Variants in CDH10 observed in about 807,000 individuals in gnomAD.
CDH10 encodes the protein cadherin 10.
A neutral mutation model predicts 73.1 loss-of-function variants in CDH10; 30 were observed. That is an observed-to-expected ratio of 0.41 (90% CI 0.31 to 0.56). The LOEUF (loss-of-function observed/expected upper bound fraction) is 0.56, where lower values mean the gene tolerates loss of function less well. Among genes scored for constraint, CDH10 ranks in the 20% least tolerant of loss-of-function variants. The pLI is 0.27. For missense variants in CDH10, 815 were observed against 973.7 expected (o/e 0.84, Z 2.17); for synonymous variants, 345 against 348.2 (o/e 0.99, Z 0.10).
At chr5:24,625,552 T>C (rs1747463666) in intron 1 of CDH10, among the ~76,000 whole-genome samples, 1 of 95,630 alleles carries the variant, frequency 1.0e-5, no homozygotes, top group South Asian at 4.0e-4. Flanking sequence ...TATCTGTATA[T>C]ATATATATAT....
At chr5:24,619,286 C>T (rs4701454) in intron 1 of CDH10, among the ~76,000 whole-genome samples, 88,749 of 151,860 alleles carry the variant, frequency 0.58, 28,774 homozygotes, top group Admixed American at 0.73. Flanking sequence ...TTCCGCCTCC[C>T]GGGTTCACGC....
rs184701119 is a variant in CDH10 at position 24,638,710 on chromosome 5, A to G, written c.-124+5884T>C. On this transcript the variant is annotated intron_variant, in intron 1 of 11. Transcript: ENST00000264463. ...GTGACAAAATATGGTTCAAGACTAC[A>G]GAGCAGGACTAACCCCCAACTTATA... 4.9e-4 allele frequency among the ~76,000 whole-genome samples: 74 copies of G among 151,958 alleles called. No homozygotes were observed. The East Asian group carries it at 0.013, about 27-fold the overall frequency.
chr5:24,559,584 G>A (rs1744883714), intron 2 of CDH10, among the ~76,000 whole-genome samples: 1 of 151,938 alleles, frequency 6.6e-6, no homozygotes, highest in African/African-American at 2.4e-5. Context: ...TGAAAACATG[G>A]GAAAAAAGAG....
intron 1 of CDH10, among the ~76,000 whole-genome samples, chr5:24,628,211 C>T (rs1393440011): frequency 2.6e-5 from 4 of 152,296 alleles, no homozygotes; most frequent in Non-Finnish European, 4.4e-5. Flanking sequence ...TCAGTGTGAA[C>T]ATCAGTAGTT....
intron 5 of CDH10, among the ~76,000 whole-genome samples, chr5:24,522,364 T>A (rs1743367654): frequency 6.6e-6 from 1 of 152,130 alleles, no homozygotes; most frequent in South Asian, 2.1e-4. Flanking sequence ...GGTTTTAGAT[T>A]CAGCATAGTC....
chr5:24,532,176 G>T (rs1422417855), intron 5 of CDH10, among the ~76,000 whole-genome samples: 3 of 151,998 alleles, frequency 2.0e-5, no homozygotes, highest in African/African-American at 7.2e-5. Context: ...TGTTGATACA[G>T]CATACAGGGA....
chr5:24,639,648 C>G (rs1441489246), intron 1 of CDH10, among the ~76,000 whole-genome samples: 1 of 151,704 alleles, frequency 6.6e-6, no homozygotes, highest in Non-Finnish European at 1.5e-5. Flanking sequence ...AACATTTGCT[C>G]ATTATATACC....
At chr5:24,593,192 T>G in intron 2 of CDH10, 68 bp downstream of exon 2, 1 of 879,898 alleles carries the variant, frequency 1.1e-6, no homozygotes, top group South Asian at 1.6e-5. Context: ...TTTGATGACC[T>G]TCAAATTTTC....
chr5:24,599,002 C>A (rs562449268), intron 1 of CDH10, among the ~76,000 whole-genome samples: 1 of 152,172 alleles, frequency 6.6e-6, no homozygotes, highest in African/African-American at 2.4e-5. Flanking sequence ...GCCATTATCT[C>A]TAAGATCCCT....
At chr5:24,595,662 C>A (rs980991510) in intron 1 of CDH10, among the ~76,000 whole-genome samples, 1 of 151,884 alleles carries the variant, frequency 6.6e-6, no homozygotes, top group Non-Finnish European at 1.5e-5. Context: ...TCCCAAGAGG[C>A]AGGGGAGAGT....
chr5:24,636,149 C>A (rs1561208451), intron 1 of CDH10, among the ~76,000 whole-genome samples: 1 of 151,872 alleles, frequency 6.6e-6, no homozygotes, highest in Non-Finnish European at 1.5e-5. Flanking sequence ...GTGTATTAGG[C>A]ATTGTTGTTA....
At chr5:24,607,515 T>A (rs1746799622) in intron 1 of CDH10, among the ~76,000 whole-genome samples, 1 of 152,086 alleles carries the variant, frequency 6.6e-6, no homozygotes, top group African/African-American at 2.4e-5. Context: ...AAATTATAAA[T>A]AAGGAAAAAT....
chr5:24,535,313 C>T, intron 4 of CDH10, 34 bp from the exon 5 acceptor site: 1 of 1,556,994 alleles, frequency 6.4e-7, no homozygotes, highest in Non-Finnish European at 8.7e-7. Context: ...CCATTATCTT[C>T]ACTGAAATCT....
chr5:24,599,322 G>A (rs908506651), intron 1 of CDH10, among the ~76,000 whole-genome samples: 1 of 152,094 alleles, frequency 6.6e-6, no homozygotes, highest in African/African-American at 2.4e-5. Context: ...AACAATGAGT[G>A]AAGAGATAGG....
intron 7 of CDH10, among the ~76,000 whole-genome samples, chr5:24,506,069 C>T (rs796346836): frequency 4.7e-5 from 7 of 147,738 alleles, no homozygotes; most frequent in Non-Finnish European, 1.0e-4. Flanking sequence ...GCCAAGATTG[C>T]GTGCCACTGC....
chr5:24,643,111 C>A (rs1010568220), intron 1 of CDH10, among the ~76,000 whole-genome samples: 1 of 152,122 alleles, frequency 6.6e-6, no homozygotes, highest in Non-Finnish European at 1.5e-5. Flanking sequence ...CCACATCCCT[C>A]CCCAAATAAA....
intron 1 of CDH10, among the ~76,000 whole-genome samples, chr5:24,602,468 G>A (rs1746599050): frequency 6.6e-6 from 1 of 152,054 alleles, no homozygotes; most frequent in Non-Finnish European, 1.5e-5. Flanking sequence ...TGGATAGCTG[G>A]TATACCTTTT....
intron 1 of CDH10, among the ~76,000 whole-genome samples, chr5:24,623,499 A>G (rs1747387694): frequency 6.6e-6 from 1 of 152,218 alleles, no homozygotes; most frequent in South Asian, 2.1e-4. Flanking sequence ...AATTTAAACA[A>G]TCAGAGAAAT....
At chr5:24,507,249 A>G (rs946464772) in intron 7 of CDH10, among the ~76,000 whole-genome samples, 4 of 151,838 alleles carry the variant, frequency 2.6e-5, no homozygotes, top group Admixed American at 1.3e-4. Flanking sequence ...TGTTCATTAA[A>G]TTTCCTACAT....
Sources: allele counts gnomAD v4.1 joint callset (sites outside exome capture counted in the v4.1 genomes callset), GRCh38; gene constraint gnomAD v4.1.1; transcripts MANE v1.5; gene names NCBI Gene and HGNC (gene_info 2026-07-23, HGNC 2026-07-21).